Variants in RASGRF2 observed in about 807,000 individuals in gnomAD.
RASGRF2 encodes ras-specific guanine nucleotide-releasing factor 2.
In RASGRF2, 76 loss-of-function variants were observed where a neutral mutation model predicts 151.0. That is an observed-to-expected ratio of 0.50 (90% CI 0.42 to 0.61). The LOEUF (loss-of-function observed/expected upper bound fraction) is 0.61, where lower values mean the gene tolerates loss of function less well. RASGRF2 is among the 20% of genes least tolerant of loss of function. The probability of loss-of-function intolerance (pLI) is 0.00; values close to 1 mark genes in which losing one functional copy is unlikely to be tolerated. For missense variants in RASGRF2, 1,148 were observed against 1,564.6 expected (o/e 0.73, Z 4.49); for synonymous variants, 504 against 566.5 (o/e 0.89, Z 1.57).
chr5:81,027,849 G>T (rs1372871356), intron 1 of RASGRF2, among the ~76,000 whole-genome samples: 1 of 152,156 alleles, frequency 6.6e-6, no homozygotes, highest in Non-Finnish European at 1.5e-5. Context: ...TCTAAGAATG[G>T]CTTGGGATCA....
chr5:80,975,383 T>C (rs1220625342), intron 1 of RASGRF2, among the ~76,000 whole-genome samples: 1 of 151,700 alleles, frequency 6.6e-6, no homozygotes, highest in African/African-American at 2.4e-5. Flanking sequence ...CGTTGAGGGG[T>C]GGGTCTGCAA....
chr5:81,212,802 A>C (rs1328002221), intron 23 of RASGRF2, among the ~76,000 whole-genome samples: 1 of 152,200 alleles, frequency 6.6e-6, no homozygotes, highest in Non-Finnish European at 1.5e-5. Context: ...TGTGGTTGTC[A>C]GTCAAGAGTT....
chr5:80,969,929 C>T (rs540026988), intron 1 of RASGRF2, among the ~76,000 whole-genome samples: 10 of 145,072 alleles, frequency 6.9e-5, no homozygotes, highest in African/African-American at 1.8e-4. Flanking sequence ...TGGGTTCAAG[C>T]GATTCTCCTG....
At chr5:81,033,966 AC>A (rs1750369901) in intron 1 of RASGRF2, among the ~76,000 whole-genome samples, 2 of 152,118 alleles carry the variant, frequency 1.3e-5, no homozygotes, top group Non-Finnish European at 2.9e-5. Flanking sequence ...AAATCAAACA[AC>A]CCCATCAACA....
At chr5:81,123,918 G>A (rs147910891) in intron 16 of RASGRF2, 151 bp downstream of exon 16, 4 of 1,042,242 alleles carry the variant, frequency 3.8e-6, no homozygotes, top group Non-Finnish European at 5.4e-6. Flanking sequence ...TCGGCCCTTT[G>A]TATCTGTGGG....
intron 17 of RASGRF2, among the ~76,000 whole-genome samples, chr5:81,176,707 TGTTGGGGTCCTCAGG>T (rs1194130381): frequency 2.6e-5 from 4 of 152,202 alleles, no homozygotes; most frequent in Non-Finnish European, 5.9e-5. Context: ...CATGTGCTTT[TGTTGGGGTCCTCAGG>T]GTCATCATTG....
At chr5:81,093,100 T>A in intron 10 of RASGRF2, 139 bp downstream of exon 10, 6 of 871,858 alleles carry the variant, frequency 6.9e-6, no homozygotes, top group Admixed American at 5.5e-5. Context: ...GGTAATGTAC[T>A]GTTACCAACT....
At chr5:81,180,723 A>C (rs1289751390) in intron 18 of RASGRF2, among the ~76,000 whole-genome samples, 3 of 136,768 alleles carry the variant, frequency 2.2e-5, no homozygotes, top group African/African-American at 8.2e-5. Flanking sequence ...CTGGAGGTAA[A>C]TAACACTCTG....
intron 3 of RASGRF2, 54 bp downstream of exon 3, chr5:81,068,233 C>G: frequency 6.4e-7 from 1 of 1,568,598 alleles, no homozygotes; most frequent in Non-Finnish European, 8.7e-7. Flanking sequence ...CCGTCATTTC[C>G]TCATGATTAC....
intron 24 of RASGRF2, among the ~76,000 whole-genome samples, chr5:81,216,711 T>A (rs190719454): frequency 6.4e-4 from 97 of 152,292 alleles, no homozygotes; most frequent in South Asian, 5.0e-3. Context: ...ATGTTCCCAG[T>A]ATCACTTAGT....
chr5:81,056,575 G>A (rs1396685422), intron 2 of RASGRF2, among the ~76,000 whole-genome samples: 2 of 152,104 alleles, frequency 1.3e-5, no homozygotes, highest in South Asian at 2.1e-4. Context: ...GAATAAGTGC[G>A]GTGTGGTGCT....
intron 17 of RASGRF2, among the ~76,000 whole-genome samples, chr5:81,156,058 G>C (rs2112629192): frequency 6.6e-6 from 1 of 152,004 alleles, no homozygotes; most frequent in Middle Eastern, 3.4e-3. Context: ...AAGTTGAGGG[G>C]GAACTGAGGG....
At chr5:81,008,860 C>G (rs552592467) in intron 1 of RASGRF2, among the ~76,000 whole-genome samples, 1 of 152,290 alleles carries the variant, frequency 6.6e-6, no homozygotes, top group Non-Finnish European at 1.5e-5. Context: ...ATTTTCTGGA[C>G]ATACTTCTTA....
intron 26 of RASGRF2, among the ~76,000 whole-genome samples, chr5:81,225,425 T>G (rs1486939668): frequency 6.6e-6 from 1 of 151,824 alleles, no homozygotes; most frequent in Non-Finnish European, 1.5e-5. Flanking sequence ...GAAAAACAAC[T>G]GGGAGAAAAC....
In RASGRF2 at chr5:81,086,847, T is replaced by C. The variant is rs777363595; in HGVS notation, c.1284T>C (p.Asp428=). Reference sequence around the variant, plus strand: ...TGTTGTGTCACAGAGTAATGCACGATGAAGTCAGCGACACTGAAAACATAA... The same window carrying C: ...TGTTGTGTCACAGAGTAATGCACGACGAAGTCAGCGACACTGAAAACATAA... ...KLEELSRVMH[D]EVSDTENIRK... is the part of the protein sequence containing the mutation. Residue 428 remains aspartate, a synonymous_variant, in exon 9 of 27, where the codon GAT becomes GAC. Coordinates refer to ENST00000265080, the MANE Select transcript of RASGRF2 (RefSeq NM_006909.3). 15 of 1,613,010 alleles carry C rather than the reference T, an allele frequency of 9.3e-6. No homozygotes were observed. The South Asian group carries it at 1.6e-4, about 18-fold the overall frequency.
At chr5:81,093,077 G>A in intron 10 of RASGRF2, 116 bp downstream of exon 10, 1 of 1,094,208 alleles carries the variant, frequency 9.1e-7, no homozygotes, top group Non-Finnish European at 1.3e-6. Context: ...TGTCATGATT[G>A]CATAATGAGT....
chr5:81,077,588 G>T (rs1751975708), intron 5 of RASGRF2, among the ~76,000 whole-genome samples: 1 of 152,176 alleles, frequency 6.6e-6, no homozygotes, highest in African/African-American at 2.4e-5. Context: ...CACCTTGCTG[G>T]CAATGGCTCC....
Position 80,984,332 on chromosome 5 carries a change from C to T in RASGRF2, c.288+23306C>T, listed in dbSNP as rs940351880. On this transcript the variant is annotated intron_variant, in intron 1 of 26. Transcript: ENST00000265080. ...GCCTCCCAGGTGCTGGGATTATAGG[C>T]ATGAGCCACTGCACCTGGCCTCGTG... 9.2e-5 allele frequency among the ~76,000 whole-genome samples: 14 copies of T among 152,198 alleles called. 1 individual carries two copies. The highest frequency in any genetic ancestry group is 3.4e-4 in the African/African-American group (14 of 41,424).
chr5:81,099,620 T>C (rs1752641016), intron 12 of RASGRF2, among the ~76,000 whole-genome samples: 1 of 152,230 alleles, frequency 6.6e-6, no homozygotes, highest in South Asian at 2.1e-4. Context: ...ACAAGGTATC[T>C]ATGTAACTCT....
Sources: gnomAD v4.1 joint callset for allele counts (sites outside exome capture counted in the v4.1 genomes callset) on GRCh38, gnomAD v4.1.1 for gene constraint, MANE v1.5 for transcripts, NCBI Gene and HGNC (gene_info 2026-07-23, HGNC 2026-07-21) for gene names.